The following NOS1AP variants were observed in gnomAD, a reference collection of about 807,000 sequenced individuals.
The protein encoded by NOS1AP is nitric oxide synthase 1 adaptor protein, also known as carboxyl-terminal PDZ ligand of neuronal nitric oxide synthase protein.
In NOS1AP, 21 loss-of-function variants were observed where a neutral mutation model predicts 56.2. That is an observed-to-expected ratio of 0.37 (90% confidence interval 0.26 to 0.54). The LOEUF (loss-of-function observed/expected upper bound fraction) is 0.54. NOS1AP is among the 20% of genes least tolerant of loss of function. The probability of loss-of-function intolerance (pLI) is 0.84; values close to 1 mark genes in which losing one functional copy is unlikely to be tolerated. For synonymous variants in NOS1AP, 270 were observed against 274.6 expected, an observed-to-expected ratio of 0.98 and a Z score of 0.17; for missense variants, 522 against 657.8, an observed-to-expected ratio of 0.79 and a Z score of 2.26.
At chr1:162,169,012 C>G (rs17423138) in intron 2 of NOS1AP, among the ~76,000 whole-genome samples, 5,386 of 152,286 alleles carry the variant, frequency 0.035, 139 homozygotes, top group Non-Finnish European at 0.049. Flanking sequence ...GGGAAATCTT[C>G]TAAGCATTGG....
rs182905017 is a variant in NOS1AP at position 162,171,690 on chromosome 1, C to T, written c.177+17214C>T. ...CCCTTTATTAAGGTCTTTCATCAGG[C>T]TCTCCAGCCTCTCTTTCTGAACTCA... On this transcript the variant is annotated intron_variant, in intron 2 of 9. Coordinates refer to ENST00000361897, the MANE Select transcript of NOS1AP (RefSeq NM_014697.3). Among the ~76,000 whole-genome samples, 32 of 152,258 alleles carry T rather than the reference C, an allele frequency of 2.1e-4. 1 individual carries two copies. The highest frequency in any genetic ancestry group is 1.9e-3 in the Admixed American group (29 of 15,294).
intron 2 of NOS1AP, among the ~76,000 whole-genome samples, chr1:162,194,431 G>C (rs1651741468): frequency 6.6e-6 from 1 of 152,114 alleles, no homozygotes; most frequent in South Asian, 2.1e-4. Flanking sequence ...CCGTATTTAA[G>C]TACCCTTCAG....
intron 4 of NOS1AP, among the ~76,000 whole-genome samples, chr1:162,328,267 A>G (rs1656657483): frequency 6.6e-6 from 1 of 152,214 alleles, no homozygotes; most frequent in Non-Finnish European, 1.5e-5. Flanking sequence ...GCTGGGATTA[A>G]TACCTAGGTG....
chr1:162,365,063 T>G, intron 8 of NOS1AP: 1 of 1,240,924 alleles, frequency 8.1e-7, no homozygotes, highest in Non-Finnish European at 1.0e-6. Context: ...ACCGTGCGTG[T>G]GTGTGTGTAT....
chr1:162,303,544 C>A (rs1045841315), intron 4 of NOS1AP, among the ~76,000 whole-genome samples: 7 of 152,132 alleles, frequency 4.6e-5, no homozygotes, highest in Non-Finnish European at 8.8e-5. Flanking sequence ...TGGGCTCGAG[C>A]AATTCCCTCC....
intron 2 of NOS1AP, among the ~76,000 whole-genome samples, chr1:162,214,549 A>G (rs892006334): frequency 2.0e-5 from 3 of 152,076 alleles, no homozygotes; most frequent in Non-Finnish European, 4.4e-5. Flanking sequence ...TTTCTGTTCA[A>G]AAATAATTCT....
chr1:162,110,671 G>A (rs764196126), intron 1 of NOS1AP, among the ~76,000 whole-genome samples: 2 of 152,172 alleles, frequency 1.3e-5, no homozygotes, highest in Non-Finnish European at 2.9e-5. Flanking sequence ...ATCACCAAAT[G>A]AGTAACAATG....
chr1:162,242,780 T>C (rs146417458), intron 2 of NOS1AP, among the ~76,000 whole-genome samples: 205 of 152,256 alleles, frequency 1.3e-3, no homozygotes, highest in African/African-American at 4.7e-3. Context: ...CCACTAGAGA[T>C]AGGGCTCAAA....
intron 2 of NOS1AP, among the ~76,000 whole-genome samples, chr1:162,284,600 C>CT (rs386368511): frequency 8.6e-5 from 13 of 151,870 alleles, no homozygotes; most frequent in Non-Finnish European, 1.9e-4. Context: ...TGACTGTGCC[C>CT]ACAGACCCTG....
At chr1:162,337,858 A>C (rs1656989403) in intron 5 of NOS1AP, among the ~76,000 whole-genome samples, 1 of 152,214 alleles carries the variant, frequency 6.6e-6, no homozygotes, top group Admixed American at 6.5e-5. Context: ...GCCACAAAAT[A>C]ATGTGTTGGA....
rs949668724 is a variant in NOS1AP at position 162,262,038 on chromosome 1, G to A, written c.178-25306G>A. Among the ~76,000 whole-genome samples the A allele has an allele frequency of 2.6e-5, 4 of 152,296 alleles. No individual in the cohort carries two copies. In the East Asian group the frequency reaches 5.8e-4, roughly 22 times the overall value. ...CATGGTAGGGCATTGAGGGAGGCTTGCCTATAGAGAAAGTAGTAGATGAGC... is the reference window on the plus strand; with the variant it reads ...CATGGTAGGGCATTGAGGGAGGCTTACCTATAGAGAAAGTAGTAGATGAGC... On this transcript the variant is annotated intron_variant, in intron 2 of 9. Transcript: ENST00000361897.
chr1:162,199,624 G>A (rs1166248610), intron 2 of NOS1AP, among the ~76,000 whole-genome samples: 1 of 141,262 alleles, frequency 7.1e-6, no homozygotes, highest in African/African-American at 2.5e-5. Flanking sequence ...GTGTGTGTGT[G>A]TGTGTGTGTG....
intron 2 of NOS1AP, among the ~76,000 whole-genome samples, chr1:162,165,595 G>A (rs1650454269): frequency 6.6e-6 from 1 of 152,132 alleles, no homozygotes. Context: ...TCACTTCTAA[G>A]CTTGAACGTG....
At chr1:162,333,912 T>C (rs1011016488) in intron 5 of NOS1AP, among the ~76,000 whole-genome samples, 2 of 152,250 alleles carry the variant, frequency 1.3e-5, no homozygotes, top group Non-Finnish European at 2.9e-5. Context: ...TCATATTTTT[T>C]CCATGTAATA....
chr1:162,266,606 G>T (rs1654432208), intron 2 of NOS1AP, among the ~76,000 whole-genome samples: 1 of 152,072 alleles, frequency 6.6e-6, no homozygotes, highest in Non-Finnish European at 1.5e-5. Flanking sequence ...CTGGTTCATG[G>T]TCTTTTCCTT....
intron 2 of NOS1AP, among the ~76,000 whole-genome samples, chr1:162,219,139 G>A (rs140296084): frequency 6.6e-6 from 1 of 152,268 alleles, no homozygotes; most frequent in Non-Finnish European, 1.5e-5. Flanking sequence ...CGCTGAGTAA[G>A]CTCTTAACCT....
chr1:162,174,829 G>T (rs939713149), intron 2 of NOS1AP, among the ~76,000 whole-genome samples: 2 of 152,108 alleles, frequency 1.3e-5, no homozygotes, highest in Non-Finnish European at 2.9e-5. Context: ...ACCACATTTA[G>T]TTCTTATCCT....
intron 5 of NOS1AP, among the ~76,000 whole-genome samples, chr1:162,336,138 G>A (rs11586404): frequency 0.1 from 15,400 of 152,210 alleles, 1,062 homozygotes; most frequent in Middle Eastern, 0.14. Context: ...TATTACATCA[G>A]ATAATAATAT....
intron 2 of NOS1AP, among the ~76,000 whole-genome samples, chr1:162,185,815 C>T (rs1651415155): frequency 6.6e-6 from 1 of 152,128 alleles, no homozygotes; most frequent in South Asian, 2.1e-4. Flanking sequence ...AAAAACAAAA[C>T]CCTATGCATG....
Sources: gnomAD v4.1 joint callset for allele counts (sites outside exome capture counted in the v4.1 genomes callset) on GRCh38, gnomAD v4.1.1 for gene constraint, MANE v1.5 for transcripts, NCBI Gene and HGNC (gene_info 2026-07-23, HGNC 2026-07-21) for gene names.